Variants in RNF216 observed in about 807,000 individuals in gnomAD.
RNF216 encodes ring finger protein 216.
Under a neutral mutation model 110.8 loss-of-function variants are expected in RNF216, and 72 were observed. The observed-to-expected ratio is 0.65, with a 90% CI of 0.54 to 0.79. RNF216 has a LOEUF of 0.79. RNF216 is among the 30% of genes least tolerant of loss of function. The pLI, the probability that RNF216 is intolerant of heterozygous loss-of-function variation, is 0.00. For synonymous variants in RNF216, 495 were observed against 407.5 expected, an observed-to-expected ratio of 1.21 and a Z score of -2.59; for missense variants, 1,342 against 1,141.2, an observed-to-expected ratio of 1.18 and a Z score of -2.54.
rs1412957150 is a variant in RNF216, at chr7:5,741,156, G to C, written c.861C>G (p.Pro287=). 3 of 1,614,160 alleles carry C rather than the reference G, an allele frequency of 1.9e-6. No homozygotes were observed. ...PEPQQGGISG[P]SSPQPAHPLG... ...GAGGATGGGCAGGCTGAGGAGAAGA[G>C]GGGCCTGAAATCCCACCTTGCTGGG... The change falls in exon 4 of 17, where the codon CCC becomes CCG. Residue 287 remains proline, a synonymous_variant. Coordinates refer to ENST00000389902, the MANE Select transcript of RNF216 (RefSeq NM_207111.4).
intron 15 of RNF216, among the ~76,000 whole-genome samples, chr7:5,628,464 TTC>T (rs1441252941): frequency 2.0e-5 from 3 of 152,240 alleles, no homozygotes; most frequent in African/African-American, 4.8e-5. Flanking sequence ...AAAGTTTTTT[TTC>T]TTTTTTAAAA....
chr7:5,698,468 C>T (rs897651522), intron 13 of RNF216, among the ~76,000 whole-genome samples: 1 of 151,838 alleles, frequency 6.6e-6, no homozygotes. Context: ...TGGTTCACAG[C>T]GGCCTCGATC....
At position 5,757,855 on chromosome 7, in the gene RNF216, TAAA is replaced by T. The variant is rs1380598917; in HGVS notation, c.67+3145_67+3147del. On this transcript the variant is annotated intron_variant, in intron 2 of 16. Transcript: ENST00000389902. ...CAAAACTACAGAGGTTGATGCATAA[TAAA>T]AAATTATTAATGTTGGCCAGGAGCA... is the stretch of plus-strand genomic sequence containing the variant. Among the ~76,000 whole-genome samples the T allele has an allele frequency of 2.6e-5, 4 of 152,200 alleles. No homozygotes were observed. In the East Asian group the frequency reaches 7.7e-4, roughly 29 times the overall value.
intron 15 of RNF216, among the ~76,000 whole-genome samples, chr7:5,633,825 G>A (rs563120739): frequency 1.4e-4 from 22 of 152,200 alleles, no homozygotes; most frequent in Admixed American, 1.0e-3. Flanking sequence ...ACTTGAAGAC[G>A]GCAAGTGAGG....
At chr7:5,768,811 AC>A (rs1445624076) in intron 1 of RNF216, among the ~76,000 whole-genome samples, 3 of 151,356 alleles carry the variant, frequency 2.0e-5, no homozygotes, top group Non-Finnish European at 2.9e-5. Context: ...ACAGGCGCCC[AC>A]CACCACGCCC....
At chr7:5,766,811 C>T (rs1293380112) in intron 1 of RNF216, 1 of 152,190 alleles carries the variant, frequency 6.6e-6, no homozygotes, top group Non-Finnish European at 1.5e-5. Context: ...TGTGGCACAA[C>T]TTTTTAAAAA....
chr7:5,765,952 CAAAAAAAAAAA>C (rs138328361), intron 1 of RNF216, among the ~76,000 whole-genome samples: 1 of 102,388 alleles, frequency 9.8e-6, no homozygotes, highest in Non-Finnish European at 1.9e-5. Context: ...GACTCTGTCT[CAAAAAAAAAAA>C]AAAAGAAAGA....
At position 5,656,633 on chromosome 7, in the gene RNF216, C is replaced by T. The variant is rs1788764151; in HGVS notation, c.2062-4123G>A. Among the ~76,000 whole-genome samples the T allele has an allele frequency of 3.3e-5, 5 of 152,292 alleles. No individual in the cohort carries two copies. In the South Asian group the frequency reaches 1.0e-3, roughly 32 times the overall value. ...CGCCAGGCCACGTTCTTCACGTCATCATGGAGGTTGCTGGTTAAGTTTATG... is the reference window on the plus strand; with the variant it reads ...CGCCAGGCCACGTTCTTCACGTCATTATGGAGGTTGCTGGTTAAGTTTATG... On this transcript the variant is annotated intron_variant, in intron 13 of 16. Coordinates refer to ENST00000389902, the MANE Select transcript of RNF216 (RefSeq NM_207111.4).
rs11319565 is a variant in RNF216 at position 5,671,805 on chromosome 7, CAA to C, written c.2062-19297_2062-19296del. Among the ~76,000 whole-genome samples the C allele has an allele frequency of 2.3e-3, 123 of 54,206 alleles. 1 individual carries two copies. Among genetic ancestry groups the C allele is most frequent in the African/African-American group, 6.9e-3 (85 of 12,374 alleles). 35.6% of individuals were successfully genotyped at this position (54,206 alleles called of 152,430 possible). On this transcript the variant is annotated intron_variant, in intron 13 of 16. Coordinates refer to ENST00000389902, the MANE Select transcript of RNF216 (RefSeq NM_207111.4). Reference sequence around the variant, plus strand: ...GAGCAAAGAGACCAAAACTCCGTCTCAAAAAAAAAAAAAAAAAAAAAAAAGGA... The same window carrying C: ...GAGCAAAGAGACCAAAACTCCGTCTCAAAAAAAAAAAAAAAAAAAAAAGGA...
At chr7:5,673,202 G>A (rs1011295036) in intron 13 of RNF216, among the ~76,000 whole-genome samples, 1 of 152,200 alleles carries the variant, frequency 6.6e-6, no homozygotes, top group African/African-American at 2.4e-5. Context: ...AGCGGGGGAA[G>A]TCAGTGGTTA....
At chr7:5,729,234 T>A (rs1793940496) in intron 7 of RNF216, among the ~76,000 whole-genome samples, 198 bp downstream of exon 7, 1 of 152,202 alleles carries the variant, frequency 6.6e-6, no homozygotes, top group Non-Finnish European at 1.5e-5. Flanking sequence ...GCAGAACTTC[T>A]CTGCTTCTCA....
chr7:5,642,987 C>G (rs1212351903), intron 14 of RNF216, among the ~76,000 whole-genome samples: 1 of 152,068 alleles, frequency 6.6e-6, no homozygotes, highest in African/African-American at 2.4e-5. Context: ...ATTAAGGTTA[C>G]AGTCTTTTCA....
intron 1 of RNF216, among the ~76,000 whole-genome samples, chr7:5,768,665 G>GT (rs550374815): frequency 0.47 from 66,530 of 140,984 alleles, 15,849 homozygotes; most frequent in Admixed American, 0.53. Context: ...AAGCAACTTT[G>GT]TTTTTTTTTT....
intron 7 of RNF216, among the ~76,000 whole-genome samples, chr7:5,727,245 T>G (rs1793816899): frequency 6.6e-6 from 1 of 152,236 alleles, no homozygotes; most frequent in Non-Finnish European, 1.5e-5. Context: ...CTTCCCCTCT[T>G]TGTAGAGAAA....
intron 3 of RNF216, among the ~76,000 whole-genome samples, chr7:5,745,361 C>G (rs1400704610): frequency 6.6e-6 from 1 of 152,042 alleles, no homozygotes; most frequent in Non-Finnish European, 1.5e-5. Context: ...GTATCTAAAG[C>G]AAAAAGGCAC....
chr7:5,748,934 G>A (rs746123754), intron 3 of RNF216, among the ~76,000 whole-genome samples: 13 of 152,068 alleles, frequency 8.5e-5, no homozygotes, highest in South Asian at 2.1e-4. Context: ...CTGTGTCTCC[G>A]TGTCTATATA....
intron 8 of RNF216, 64 bp downstream of exon 8, chr7:5,725,260 G>A (rs1444353244): frequency 4.1e-6 from 4 of 981,112 alleles, no homozygotes; most frequent in Non-Finnish European, 4.8e-6. Flanking sequence ...TTCCTTCACT[G>A]ACTGTGAAGA....
intron 14 of RNF216, among the ~76,000 whole-genome samples, chr7:5,646,129 T>C (rs1351049369): frequency 2.6e-5 from 4 of 152,332 alleles, no homozygotes; most frequent in Non-Finnish European, 4.4e-5. Flanking sequence ...ACTGGGTGTT[T>C]TGAATATTAT....
At chr7:5,688,626 A>C (rs1791133119) in intron 13 of RNF216, among the ~76,000 whole-genome samples, 1 of 152,340 alleles carries the variant, frequency 6.6e-6, no homozygotes. Flanking sequence ...ATTTATACAA[A>C]GTGAGCAGAA....
Sources: gnomAD v4.1 joint callset for allele counts (sites outside exome capture counted in the v4.1 genomes callset) on GRCh38, gnomAD v4.1.1 for gene constraint, MANE v1.5 for transcripts, NCBI Gene and HGNC (gene_info 2026-07-23, HGNC 2026-07-21) for gene names.